The following SNTG1 variants were observed in gnomAD, a reference collection of about 807,000 sequenced individuals.
SNTG1 encodes the protein syntrophin gamma 1, also known as gamma-1-syntrophin.
In SNTG1, 39 loss-of-function variants were observed where a neutral mutation model predicts 74.7. The ratio of observed to expected loss-of-function variants is 0.52; its 90% CI spans 0.40 to 0.68. The LOEUF is 0.68. Ranked by LOEUF, SNTG1 falls within the 30% of genes least tolerant of loss-of-function variation. The pLI is 0.00. For missense variants in SNTG1, 685 were observed against 609.5 expected, an observed-to-expected ratio of 1.12 and a Z score of -1.30; for synonymous variants, 254 against 217.1, an observed-to-expected ratio of 1.17 and a Z score of -1.49.
intron 2 of SNTG1, among the ~76,000 whole-genome samples, chr8:50,208,153 G>A (rs926026276): frequency 1.3e-5 from 2 of 152,176 alleles, no homozygotes. Context: ...TCTGTGTAAT[G>A]TGGACAGTGG....
At chr8:50,409,272 C>T (rs2092917881) in intron 4 of SNTG1, among the ~76,000 whole-genome samples, 1 of 152,158 alleles carries the variant, frequency 6.6e-6, no homozygotes, top group Non-Finnish European at 1.5e-5. Flanking sequence ...CAAGAGACAG[C>T]TAGAGAGTTA....
intron 5 of SNTG1, among the ~76,000 whole-genome samples, chr8:50,445,367 C>A (rs554064001): frequency 2.6e-5 from 4 of 152,096 alleles, no homozygotes; most frequent in African/African-American, 7.2e-5. Context: ...CTTCCCTGCA[C>A]CCCCATGCCC....
rs187847444 is a variant in SNTG1, at chr8:49,959,647, A to G, written c.-103+47416A>G. Among the ~76,000 whole-genome samples, 543 of 152,332 alleles carry G rather than the reference A, an allele frequency of 3.6e-3. 3 individuals carry two copies. Among genetic ancestry groups the G allele is most frequent in the African/African-American group, 0.012 (518 of 41,576 alleles). ...ATACTTCATTTAATTTTATGGCTAA[A>G]TAACATTCCATTATATGGAAATGCC... On this transcript the variant is annotated intron_variant, in intron 1 of 18. Transcript: ENST00000642720.
At chr8:50,611,928 A>G (rs2094852913) in intron 13 of SNTG1, among the ~76,000 whole-genome samples, 1 of 152,004 alleles carries the variant, frequency 6.6e-6, no homozygotes, top group South Asian at 2.1e-4. Context: ...CACCATGTAC[A>G]GCTATTTTTT....
intron 1 of SNTG1, among the ~76,000 whole-genome samples, chr8:49,950,317 G>C (rs1490830540): frequency 6.6e-6 from 1 of 152,108 alleles, no homozygotes; most frequent in Non-Finnish European, 1.5e-5. Context: ...CATGATAAAT[G>C]CAATGAAATT....
intron 1 of SNTG1, among the ~76,000 whole-genome samples, chr8:49,960,756 C>A (rs554984013): frequency 6.6e-6 from 1 of 152,182 alleles, no homozygotes; most frequent in East Asian, 1.9e-4. Context: ...CTCTGTGGTG[C>A]CACTCAAAGC....
chr8:50,701,721 T>TTAC (rs1563761678), intron 15 of SNTG1, among the ~76,000 whole-genome samples: 1 of 135,094 alleles, frequency 7.4e-6, no homozygotes, highest in East Asian at 2.3e-4. Flanking sequence ...TCTTCCTCTT[T>TTAC]TTCTTCTTCT....
intron 1 of SNTG1, among the ~76,000 whole-genome samples, chr8:49,944,779 C>A (rs1266356105): frequency 6.7e-6 from 1 of 148,370 alleles, no homozygotes; most frequent in Non-Finnish European, 1.5e-5. Flanking sequence ...TAAATGAATT[C>A]ATCACCTGCA....
intron 1 of SNTG1, among the ~76,000 whole-genome samples, chr8:50,042,819 A>T (rs1025636393): frequency 1.3e-5 from 2 of 151,940 alleles, no homozygotes; most frequent in African/African-American, 4.8e-5. Context: ...GCTAATCTAA[A>T]TTATTGGATT....
intron 2 of SNTG1, among the ~76,000 whole-genome samples, chr8:50,360,738 G>T (rs1165057676): frequency 1.3e-5 from 2 of 152,058 alleles, no homozygotes; most frequent in Non-Finnish European, 2.9e-5. Flanking sequence ...CATGGAAAAG[G>T]TACAGTAAAA....
chr8:50,718,114 A>T (rs2095479181), intron 17 of SNTG1, among the ~76,000 whole-genome samples: 1 of 152,154 alleles, frequency 6.6e-6, no homozygotes, highest in Non-Finnish European at 1.5e-5. Flanking sequence ...GAAGCTGCAA[A>T]CTAGATTAAT....
intron 2 of SNTG1, among the ~76,000 whole-genome samples, chr8:50,330,251 T>G (rs916538483): frequency 6.6e-6 from 1 of 152,180 alleles, no homozygotes; most frequent in African/African-American, 2.4e-5. Flanking sequence ...TTCTCCTTCC[T>G]GCTGCCACAT....
At chr8:50,015,099 A>G (rs1407316757) in intron 1 of SNTG1, among the ~76,000 whole-genome samples, 2 of 152,008 alleles carry the variant, frequency 1.3e-5, no homozygotes, top group African/African-American at 2.4e-5. Flanking sequence ...GTGAACCTAC[A>G]TGCATACAAA....
chr8:49,947,235 G>T (rs796586718), intron 1 of SNTG1, among the ~76,000 whole-genome samples: 1 of 152,126 alleles, frequency 6.6e-6, no homozygotes, highest in Non-Finnish European at 1.5e-5. Flanking sequence ...GGGAGGCAGA[G>T]GTTGCAGTGA....
intron 1 of SNTG1, among the ~76,000 whole-genome samples, chr8:50,028,889 C>T (rs1817508347): frequency 1.3e-5 from 2 of 152,008 alleles, no homozygotes; most frequent in South Asian, 4.1e-4. Flanking sequence ...TGTCAAGCAA[C>T]ATTTTTGTGT....
intron 1 of SNTG1, among the ~76,000 whole-genome samples, chr8:50,012,598 G>T (rs765891882): frequency 1.3e-5 from 2 of 152,116 alleles, no homozygotes; most frequent in Non-Finnish European, 2.9e-5. Context: ...TAGTGAGGCT[G>T]ACAGATCAGG....
At chr8:50,632,240 A>G (rs2095003947) in intron 13 of SNTG1, among the ~76,000 whole-genome samples, 1 of 151,992 alleles carries the variant, frequency 6.6e-6, no homozygotes, top group Admixed American at 6.6e-5. Flanking sequence ...ATATGATAAA[A>G]TGATAAATAT....
At chr8:50,022,097 C>T (rs1816875897) in intron 1 of SNTG1, among the ~76,000 whole-genome samples, 2 of 151,886 alleles carry the variant, frequency 1.3e-5, no homozygotes, top group Admixed American at 1.3e-4. Flanking sequence ...ATGTAAAGAA[C>T]ACATTGGTAT....
intron 1 of SNTG1, among the ~76,000 whole-genome samples, chr8:50,104,922 T>G (rs2080305682): frequency 6.6e-6 from 1 of 152,118 alleles, no homozygotes; most frequent in African/African-American, 2.4e-5. Flanking sequence ...AGTTTCCTTA[T>G]AGATTATGCA....
Sources: allele counts gnomAD v4.1 joint callset (sites outside exome capture counted in the v4.1 genomes callset), GRCh38; gene constraint gnomAD v4.1.1; transcripts MANE v1.5; gene names NCBI Gene and HGNC (gene_info 2026-07-23, HGNC 2026-07-21).